Variants in ARHGAP24 observed in about 807,000 individuals in gnomAD.
The protein encoded by ARHGAP24 is Rho GTPase activating protein 24, also known as rho GTPase-activating protein 24.
ARHGAP24 carries 50 observed loss-of-function variants against 76.4 expected under a neutral mutation model. That is an observed-to-expected ratio of 0.65 (90% confidence interval 0.52 to 0.83). The LOEUF (loss-of-function observed/expected upper bound fraction) is 0.83, where lower values mean the gene tolerates loss of function less well. Among genes scored for constraint, ARHGAP24 ranks in the 40% least tolerant of loss-of-function variants. The pLI is 0.00. For synonymous variants in ARHGAP24, 345 were observed against 323.3 expected (o/e 1.07, Z -0.72); for missense variants, 930 against 914.2 (o/e 1.02, Z -0.22).
chr4:85,496,251 G>T (rs958352573), intron 1 of ARHGAP24, among the ~76,000 whole-genome samples: 1 of 152,220 alleles, frequency 6.6e-6, no homozygotes, highest in Non-Finnish European at 1.5e-5. Flanking sequence ...CATCAATATG[G>T]CATTTTCACC....
At chr4:85,743,698 A>G (rs187677349) in intron 3 of ARHGAP24, among the ~76,000 whole-genome samples, 19 of 152,320 alleles carry the variant, frequency 1.2e-4, no homozygotes, top group African/African-American at 4.3e-4. Context: ...GATAAGACAC[A>G]CAGGCCAAAT....
chr4:85,784,480 C>A (rs1727713697), intron 3 of ARHGAP24, among the ~76,000 whole-genome samples: 1 of 152,096 alleles, frequency 6.6e-6, no homozygotes, highest in South Asian at 2.1e-4. Context: ...CTCTTCCACC[C>A]TTTGTGCGAG....
chr4:85,881,640 C>CT (rs200882066), intron 3 of ARHGAP24, among the ~76,000 whole-genome samples: 1 of 32,744 alleles, frequency 3.1e-5, no homozygotes. Flanking sequence ...TTTTTGTTAT[C>CT]TGGGGAAACC....
Position 85,829,219 on chromosome 4 carries a change from T to A in ARHGAP24, c.269-94429T>A, listed in dbSNP as rs371719294. 4.0e-4 allele frequency among the ~76,000 whole-genome samples: 61 copies of A among 152,350 alleles called. 2 individuals are homozygous for A. The highest frequency in any genetic ancestry group is 2.0e-3 in the Admixed American group (30 of 15,306). ...AGGAAAAAAGGAAATTTAAATTTTT[T>A]ATTTAAAATTGATATCCATTTTGAT... is the stretch of plus-strand genomic sequence containing the variant. On this transcript the variant is annotated intron_variant, in intron 3 of 9. Transcript: ENST00000395184.
intron 2 of ARHGAP24, among the ~76,000 whole-genome samples, chr4:85,646,342 C>T (rs1721721262): frequency 1.3e-5 from 2 of 151,462 alleles, no homozygotes; most frequent in East Asian, 1.9e-4. Flanking sequence ...GAATTACAGG[C>T]TTTTAGACTA....
intron 2 of ARHGAP24, among the ~76,000 whole-genome samples, chr4:85,648,234 T>C (rs1490310486): frequency 6.6e-6 from 1 of 152,108 alleles, no homozygotes; most frequent in Non-Finnish European, 1.5e-5. Context: ...AGTTATATCT[T>C]ACAGAAGTCC....
intron 2 of ARHGAP24, among the ~76,000 whole-genome samples, chr4:85,670,456 C>T (rs952985313): frequency 4.9e-4 from 75 of 152,296 alleles, no homozygotes; most frequent in Middle Eastern, 6.8e-3. Flanking sequence ...TAAATTAATA[C>T]GTTCTCAATC....
intron 1 of ARHGAP24, among the ~76,000 whole-genome samples, chr4:85,498,142 A>C (rs1436304787): frequency 6.6e-6 from 1 of 152,242 alleles, no homozygotes; most frequent in Non-Finnish European, 1.5e-5. Flanking sequence ...AGGAAACAAA[A>C]TACTTGTTTG....
Position 85,948,598 on chromosome 4 carries a change from A to G in ARHGAP24, c.599+6325A>G, listed in dbSNP as rs546328425. Among the ~76,000 whole-genome samples, 9 of 152,302 alleles carry G rather than the reference A, an allele frequency of 5.9e-5. No homozygotes were observed. The South Asian group carries it at 1.9e-3, about 32-fold the overall frequency. On this transcript the variant is annotated intron_variant, in intron 5 of 9. Transcript: ENST00000395184. The stretch of plus-strand genomic sequence containing the variant: ...CTTGATAACTATTGGCTGACAATAA[A>G]ATATTGTCCAAAGTTTATGAAATGT...
intron 2 of ARHGAP24, among the ~76,000 whole-genome samples, chr4:85,710,909 A>G (rs371968077): frequency 6.6e-6 from 1 of 152,156 alleles, no homozygotes; most frequent in Admixed American, 6.6e-5. Context: ...GTGTATGTAC[A>G]CAAAGGAAGA....
At chr4:85,909,194 T>G (rs745584253) in intron 3 of ARHGAP24, among the ~76,000 whole-genome samples, 1 of 152,172 alleles carries the variant, frequency 6.6e-6, no homozygotes, top group Non-Finnish European at 1.5e-5. Context: ...AACTTTGAGG[T>G]GTTTGCAGAG....
At chr4:85,711,241 G>A (rs1417299023) in intron 2 of ARHGAP24, among the ~76,000 whole-genome samples, 1 of 151,868 alleles carries the variant, frequency 6.6e-6, no homozygotes, top group Non-Finnish European at 1.5e-5. Context: ...GGGGCCTATT[G>A]GAGGATAAAG....
chr4:85,894,007 C>A (rs1019282954), intron 3 of ARHGAP24, among the ~76,000 whole-genome samples: 1 of 142,380 alleles, frequency 7.0e-6, no homozygotes, highest in South Asian at 2.3e-4. Context: ...CTAGATGACA[C>A]GTTAGTGGGT....
intron 3 of ARHGAP24, among the ~76,000 whole-genome samples, chr4:85,807,073 T>G (rs961266339): frequency 4.6e-5 from 7 of 152,146 alleles, no homozygotes; most frequent in Non-Finnish European, 1.0e-4. Flanking sequence ...AAATTGTGTA[T>G]TTTTAACAGT....
chr4:85,960,793 G>T (rs1202998254), intron 5 of ARHGAP24, among the ~76,000 whole-genome samples: 3 of 151,880 alleles, frequency 2.0e-5, no homozygotes, highest in African/African-American at 4.8e-5. Flanking sequence ...TGCCTGCCTG[G>T]GTCAGTGTAC....
chr4:85,503,709 T>C (rs571593680), intron 1 of ARHGAP24, among the ~76,000 whole-genome samples: 3 of 152,370 alleles, frequency 2.0e-5, no homozygotes, highest in Admixed American at 2.0e-4. Flanking sequence ...TTTGTGTCTC[T>C]GTCTCCTTCA....
intron 4 of ARHGAP24, among the ~76,000 whole-genome samples, chr4:85,928,409 G>A (rs750461724): frequency 2.6e-5 from 4 of 151,982 alleles, no homozygotes; most frequent in African/African-American, 7.2e-5. Flanking sequence ...TGTCTAGTCC[G>A]GAATCTGAGA....
rs114713706 is a variant in ARHGAP24, at chr4:85,703,574, C to T, written c.181-18311C>T. 5.3e-3 allele frequency among the ~76,000 whole-genome samples: 805 copies of T among 152,084 alleles called. 7 individuals carry two copies. Among genetic ancestry groups the T allele is most frequent in the African/African-American group, 0.018 (761 of 41,460 alleles). On this transcript the variant is annotated intron_variant, in intron 2 of 9. Coordinates refer to ENST00000395184, the MANE Select transcript of ARHGAP24 (RefSeq NM_001025616.3). The stretch of plus-strand genomic sequence containing the variant: ...GATTTGTGCCCTTATAAAAGAGGCC[C>T]CAGAGAGATCCTTGCCTCTTCTGCC...
chr4:85,677,224 C>T (rs1261168907), intron 2 of ARHGAP24, among the ~76,000 whole-genome samples: 3 of 152,222 alleles, frequency 2.0e-5, no homozygotes, highest in Non-Finnish European at 2.9e-5. Flanking sequence ...CTCACAACAT[C>T]TTAATGAGCT....
Sources: gnomAD v4.1 joint callset for allele counts (sites outside exome capture counted in the v4.1 genomes callset) on GRCh38, gnomAD v4.1.1 for gene constraint, MANE v1.5 for transcripts, NCBI Gene and HGNC (gene_info 2026-07-23, HGNC 2026-07-21) for gene names.